The following ZNF655 variants were observed in gnomAD, a reference collection of about 807,000 sequenced individuals.
ZNF655 encodes the protein Vav-interacting Kruppel-like protein 1.
ZNF655 carries 3 observed loss-of-function variants against 6.6 expected under a neutral mutation model. The ratio of observed to expected loss-of-function variants is 0.46; its 90% confidence interval spans 0.21 to 1.18. The LOEUF (loss-of-function observed/expected upper bound fraction) is 1.18. Ranked by LOEUF, ZNF655 falls within the 50% of genes most tolerant of loss-of-function variation. The pLI, the probability that ZNF655 is intolerant of heterozygous loss-of-function variation, is 0.24. For missense variants in ZNF655, 526 were observed against 572.3 expected, an observed-to-expected ratio of 0.92 and a Z score of 0.83; for synonymous variants, 178 against 195.0, an observed-to-expected ratio of 0.91 and a Z score of 0.73.
chr7:99,563,979 A>G, intron 2 of ZNF655: 1 of 1,613,958 alleles, frequency 6.2e-7, no homozygotes, highest in Non-Finnish European at 8.5e-7. Flanking sequence ...TACAGCAGGA[A>G]TCTCCAAGAG....
At position 99,572,553 on chromosome 7, in the gene ZNF655, A is replaced by C; in HGVS notation, c.445A>C (p.Arg149=). ...GGACTCTACTATTGATGCAGATCAG[A>C]GAGTTCTTAGAATACAGAATACCGA... ...SLDSTIDADQ[R]VLRIQNTDDN... Residue 149 remains arginine, a synonymous_variant, in exon 3 of 3, where the codon AGA becomes CGA. Transcript: ENST00000252713. The C allele has an allele frequency of 6.2e-7, 1 of 1,613,992 alleles. No homozygotes were observed.
rs1179235334 is a variant in ZNF655, at chr7:99,573,989, A to G, written c.*405A>G. 5 of 189,124 alleles carry G rather than the reference A, an allele frequency of 2.6e-5. No homozygotes were observed. The highest frequency in any genetic ancestry group is 1.2e-4 in the South Asian group (1 of 8,672). The allele number at this position is 189,124 out of a possible 1,614,324, so 11.7% of individuals were successfully genotyped here. Reference sequence around the variant, plus strand: ...TTAGTATCAAATTCACGCCATGCAAAAAGATTATAAATGTAATAAGCATGT... The same window carrying G: ...TTAGTATCAAATTCACGCCATGCAAGAAGATTATAAATGTAATAAGCATGT... On this transcript the variant is annotated 3_prime_UTR_variant, in exon 3 of 3. Transcript: ENST00000252713.
chr7:99,560,756 G>T, intron 2 of ZNF655, 61 bp downstream of exon 2: 2 of 1,585,078 alleles, frequency 1.3e-6, no homozygotes, highest in Non-Finnish European at 1.7e-6. Flanking sequence ...TCCCGAGGGG[G>T]CTCCTGGGCC....
chr7:99,571,617 T>G, intron 2 of ZNF655: 1 of 1,232,284 alleles, frequency 8.1e-7, no homozygotes, highest in Non-Finnish European at 1.1e-6. Context: ...TAATCATTAG[T>G]TAAAAGAAAA....
chr7:99,561,841 C>T (rs1584243171), intron 2 of ZNF655: 1 of 1,340,532 alleles, frequency 7.5e-7, no homozygotes. Context: ...GAAAGGGAGC[C>T]CTGGGAAAGG....
chr7:99,571,292 C>A, intron 2 of ZNF655: 1 of 1,289,314 alleles, frequency 7.8e-7, no homozygotes, highest in South Asian at 1.2e-5. Context: ...GCTTGAGTTT[C>A]ACCTTTCTCC....
chr7:99,563,122 G>C (rs1359932805), intron 2 of ZNF655: 1 of 442,314 alleles, frequency 2.3e-6, no homozygotes, highest in Admixed American at 2.4e-5. Context: ...AGAAATCTCA[G>C]ATGTTTACCC....
chr7:99,561,386 G>A (rs1803147754), intron 2 of ZNF655, among the ~76,000 whole-genome samples: 1 of 152,120 alleles, frequency 6.6e-6, no homozygotes, highest in African/African-American at 2.4e-5. Context: ...GAGTGCTGTG[G>A]GGGATTGTGG....
At chr7:99,571,491 C>T in intron 2 of ZNF655, 1 of 1,222,786 alleles carries the variant, frequency 8.2e-7, no homozygotes, top group South Asian at 1.6e-5. Flanking sequence ...CATCAACTTG[C>T]CCCTTAACAC....
chr7:99,562,444 A>G (rs776864525), intron 2 of ZNF655: 2 of 1,614,010 alleles, frequency 1.2e-6, no homozygotes, highest in Non-Finnish European at 1.7e-6. Context: ...GTTCAGAGGG[A>G]CCTCTACAGA....
In ZNF655 at chr7:99,563,895, C is replaced by A. The variant is rs187324357; in HGVS notation, c.136+3200C>A. 4.9e-5 allele frequency: 79 copies of A among 1,613,078 alleles called. No individual in the cohort carries two copies. In the East Asian group the frequency reaches 1.7e-3, roughly 35 times the overall value. The stretch of plus-strand genomic sequence containing the variant: ...TCTCCGCCTTCCCACCACCCGGATT[C>A]ATAGTGTGAATTCCTGCCCGGCCCT... On this transcript the variant is annotated intron_variant, in intron 2 of 2. Transcript: ENST00000252713.
chr7:99,563,100 A>C, intron 2 of ZNF655: 2 of 421,446 alleles, frequency 4.7e-6, no homozygotes, highest in Non-Finnish European at 9.6e-6. Flanking sequence ...ACGTAACCAC[A>C]CCCAGGGCAG....
intron 2 of ZNF655, among the ~76,000 whole-genome samples, chr7:99,568,399 C>T (rs899341527): frequency 6.0e-5 from 9 of 151,152 alleles, no homozygotes; most frequent in Non-Finnish European, 8.8e-5. Flanking sequence ...TACAGGCACC[C>T]GCCATCACGC....
At chr7:99,561,441 C>T (rs1055628770) in intron 2 of ZNF655, among the ~76,000 whole-genome samples, 7 of 152,150 alleles carry the variant, frequency 4.6e-5, no homozygotes, top group Non-Finnish European at 7.3e-5. Context: ...CTTTCTTGTT[C>T]TTGGGGGCCT....
chr7:99,571,973 G>A (rs181112185), intron 2 of ZNF655, among the ~76,000 whole-genome samples: 37 of 152,162 alleles, frequency 2.4e-4, no homozygotes, highest in Admixed American at 1.1e-3. Flanking sequence ...TGCACATGTC[G>A]TACTAGACCC....
Position 99,574,453 on chromosome 7 carries a change from G to A in ZNF655, c.*869G>A, listed in dbSNP as rs554235249. 2 of 152,208 alleles carry A rather than the reference G, an allele frequency of 1.3e-5. No homozygotes were observed. The highest frequency in any genetic ancestry group is 3.9e-4 in the East Asian group (2 of 5,186). 9.4% of individuals were successfully genotyped at this position (152,208 alleles called of 1,614,324 possible). On this transcript the variant is annotated 3_prime_UTR_variant, in exon 3 of 3. Coordinates refer to ENST00000252713, the MANE Select transcript of ZNF655 (RefSeq NM_138494.3). ...AGATGGGGTCTTGCTTTGTTGCCCA[G>A]GCTGGTCTTGAACTCCTGGCCTCAA...
Position 99,572,245 on chromosome 7 carries a change from A to G in ZNF655, c.137A>G (p.Asp46Gly). ...ATTTTCTATTTATATATTGTATCAG[A>G]TGGAGAGACCAGAGAAGAGAACAAG... ...DTDMEQGLTG[D>G]GETREENKLL... Residue 46 changes from aspartate to glycine, a missense_variant and splice_region_variant, in exon 3 of 3, where the codon GAT becomes GGT. Coordinates refer to ENST00000252713, the MANE Select transcript of ZNF655 (RefSeq NM_138494.3). The G allele has an allele frequency of 6.3e-7, 1 of 1,590,322 alleles. No individual in the cohort carries two copies. The highest frequency in any genetic ancestry group is 8.5e-7 in the Non-Finnish European group (1 of 1,170,836).
chr7:99,575,087 G>A lies in ZNF655; in HGVS notation c.*1503G>A, dbSNP rs1353779925. The stretch of plus-strand genomic sequence containing the variant: ...TGTCTTGTGTGCATCCACAGTCTGC[G>A]AAGAAGACATGATAAGGACATCAGG... On this transcript the variant is annotated 3_prime_UTR_variant, in exon 3 of 3. Transcript: ENST00000252713. The A allele has an allele frequency of 2.0e-5, 3 of 152,612 alleles. No homozygotes were observed. The highest frequency in any genetic ancestry group is 6.5e-5 in the Admixed American group (1 of 15,276). 9.5% of individuals were successfully genotyped at this position (152,612 alleles called of 1,614,324 possible). A position where few individuals can be genotyped will look rare whatever the true frequency, so the allele number is the denominator to read the frequency against.
intron 2 of ZNF655, among the ~76,000 whole-genome samples, chr7:99,565,080 C>T (rs562254146): frequency 1.3e-5 from 2 of 152,142 alleles, no homozygotes; most frequent in Non-Finnish European, 1.5e-5. Context: ...TCAAGGTCAT[C>T]GCCAAGGTCT....
Sources: allele counts gnomAD v4.1 joint callset (sites outside exome capture counted in the v4.1 genomes callset), GRCh38; gene constraint gnomAD v4.1.1; transcripts MANE v1.5; gene names NCBI Gene and HGNC (gene_info 2026-07-23, HGNC 2026-07-21).